Variants in STK24 observed in about 807,000 individuals in gnomAD.
STK24 encodes serine/threonine kinase 24, also known as serine/threonine-protein kinase 24.
A neutral mutation model predicts 55.6 loss-of-function variants in STK24; 21 were observed. The observed-to-expected ratio is 0.38, with a 90% CI of 0.27 to 0.54. The LOEUF is 0.54. Ranked by LOEUF, STK24 falls within the 20% of genes least tolerant of loss-of-function variation. STK24 has a pLI of 0.79. For missense variants in STK24, 383 were observed against 538.4 expected (o/e 0.71, Z 2.86); for synonymous variants, 200 against 215.2 (o/e 0.93, Z 0.62).
intron 3 of STK24, among the ~76,000 whole-genome samples, chr13:98,478,488 T>C (rs1894467501): frequency 6.6e-6 from 1 of 152,178 alleles, no homozygotes. Context: ...GGACAATGGC[T>C]GAAGACCAAG....
At chr13:98,541,792 G>GTATTTTATCTGCACATC (rs1896895650) in intron 1 of STK24, among the ~76,000 whole-genome samples, 1 of 152,166 alleles carries the variant, frequency 6.6e-6, no homozygotes, top group Non-Finnish European at 1.5e-5. Context: ...ATGAGGAAGT[G>GTATTTTATCTGCACATC]TATTTTATCT....
At chr13:98,534,345 G>A (rs1896655737) in intron 1 of STK24, among the ~76,000 whole-genome samples, 1 of 152,180 alleles carries the variant, frequency 6.6e-6, no homozygotes, top group Non-Finnish European at 1.5e-5. Context: ...ACTCCATCTT[G>A]CTTCTACCCT....
In STK24 at chr13:98,446,574, C is replaced by A; in HGVS notation, c.*6599G>T. Reference sequence around the variant, plus strand: ...ACGCCCGAGGAGGGAGCTGCCTGGGCTCCCAAGTCCCTGTCTGATGCGGGG... The same window carrying A: ...ACGCCCGAGGAGGGAGCTGCCTGGGATCCCAAGTCCCTGTCTGATGCGGGG... On this transcript the variant is annotated 3_prime_UTR_variant, in exon 11 of 11. Coordinates refer to ENST00000539966, the MANE Select transcript of STK24 (RefSeq NM_001032296.4). 7.3e-7 allele frequency: 1 copy of A among 1,373,760 alleles called. No individual in the cohort carries two copies. Among genetic ancestry groups the A allele is most frequent in the Non-Finnish European group, 1.0e-6 (1 of 981,116 alleles). The allele number at this position is 1,373,760 out of a possible 1,614,324, so 85.1% of individuals were successfully genotyped here.
At chr13:98,576,368 C>A in intron 1 of STK24, 1 of 313,234 alleles carries the variant, frequency 3.2e-6, no homozygotes, top group Non-Finnish European at 4.6e-6. Flanking sequence ...CACGCAGGGC[C>A]CCGGGACCCG....
intron 9 of STK24, 95 bp downstream of exon 9, chr13:98,460,277 T>A (rs1165225777): frequency 8.5e-7 from 1 of 1,179,744 alleles, no homozygotes; most frequent in African/African-American, 1.5e-5. Flanking sequence ...TGTCTTAATG[T>A]CCCCAACTCT....
chr13:98,477,674 CAA>C (rs34403507), intron 3 of STK24, among the ~76,000 whole-genome samples: 11 of 91,900 alleles, frequency 1.2e-4, no homozygotes, highest in Admixed American at 3.6e-4. Flanking sequence ...GATTCCGTCT[CAA>C]AAAAAAAAAA....
chr13:98,488,549 G>C (rs1185405866), intron 2 of STK24, among the ~76,000 whole-genome samples: 2 of 151,914 alleles, frequency 1.3e-5, no homozygotes, highest in African/African-American at 4.8e-5. Context: ...TTTAAAGTAG[G>C]AGTTTTTAAC....
At chr13:98,524,732 T>C (rs1466956286) in intron 1 of STK24, among the ~76,000 whole-genome samples, 1 of 152,208 alleles carries the variant, frequency 6.6e-6, no homozygotes, top group Admixed American at 6.5e-5. Context: ...GTCTATGGGG[T>C]GTCAGGGGTA....
chr13:98,513,997 T>A (rs1009772955), intron 2 of STK24, among the ~76,000 whole-genome samples: 3 of 152,230 alleles, frequency 2.0e-5, no homozygotes, highest in African/African-American at 7.2e-5. Context: ...AAAGATAAAA[T>A]TCACAGGTGT....
At chr13:98,529,272 T>A (rs1171035782) in intron 1 of STK24, among the ~76,000 whole-genome samples, 5 of 152,066 alleles carry the variant, frequency 3.3e-5, no homozygotes. Flanking sequence ...CACCCCAACA[T>A]GCAAACCGCG....
At chr13:98,546,231 C>A (rs78019492) in intron 1 of STK24, among the ~76,000 whole-genome samples, 1,592 of 152,220 alleles carry the variant, frequency 0.01, 27 homozygotes, top group African/African-American at 0.036. Context: ...GTGAAAGGGC[C>A]ACTAGCACAC....
At chr13:98,465,274 C>T (rs534135999) in intron 6 of STK24, among the ~76,000 whole-genome samples, 1 of 152,358 alleles carries the variant, frequency 6.6e-6, no homozygotes, top group South Asian at 2.1e-4. Flanking sequence ...AAGTATTCTC[C>T]CTCCCTGTCC....
intron 1 of STK24, among the ~76,000 whole-genome samples, chr13:98,556,904 T>C (rs535116391): frequency 3.0e-4 from 46 of 152,334 alleles, no homozygotes; most frequent in African/African-American, 1.1e-3. Context: ...ATGATTTGTC[T>C]AATAAATTTG....
chr13:98,571,631 T>C (rs1382562185), intron 1 of STK24, among the ~76,000 whole-genome samples: 8 of 152,186 alleles, frequency 5.3e-5, no homozygotes. Flanking sequence ...GTATTCAAAA[T>C]AGGTTTTTTG....
intron 10 of STK24, chr13:98,454,536 C>G (rs1352227546): frequency 2.0e-5 from 3 of 152,212 alleles, no homozygotes; most frequent in Non-Finnish European, 2.9e-5. Flanking sequence ...TAAGACTCAA[C>G]TATCAAGAAA....
intron 1 of STK24, among the ~76,000 whole-genome samples, chr13:98,520,874 A>T (rs1413280428): frequency 6.6e-6 from 1 of 152,274 alleles, no homozygotes; most frequent in Non-Finnish European, 1.5e-5. Flanking sequence ...CCTCCTGCAC[A>T]CAGGGGCGCA....
chr13:98,455,200 TTC>T (rs1206200695), intron 10 of STK24: 1 of 152,252 alleles, frequency 6.6e-6, no homozygotes, highest in Non-Finnish European at 1.5e-5. Context: ...CTAATTTCAC[TTC>T]TTTTTGCTTT....
intron 9 of STK24, among the ~76,000 whole-genome samples, chr13:98,459,690 G>A (rs964692448): frequency 8.5e-5 from 13 of 152,238 alleles, no homozygotes; most frequent in African/African-American, 2.4e-4. Flanking sequence ...AGATCCCCAC[G>A]CAAACAGATG....
At chr13:98,541,320 GCA>G (rs1896884685) in intron 1 of STK24, among the ~76,000 whole-genome samples, 1 of 152,162 alleles carries the variant, frequency 6.6e-6, no homozygotes, top group African/African-American at 2.4e-5. Context: ...CCGAGAAATA[GCA>G]GCCTGACCCT....
Sources: gnomAD v4.1 joint callset for allele counts (sites outside exome capture counted in the v4.1 genomes callset) on GRCh38, gnomAD v4.1.1 for gene constraint, MANE v1.5 for transcripts, NCBI Gene and HGNC (gene_info 2026-07-23, HGNC 2026-07-21) for gene names.